Variants in GSE1 observed in about 807,000 individuals in gnomAD.
GSE1 encodes Gse1 coiled-coil protein.
Under a neutral mutation model 112.6 loss-of-function variants are expected in GSE1, and 32 were observed. That is an observed-to-expected ratio of 0.28 (90% CI 0.21 to 0.38). GSE1 has a LOEUF of 0.38. Among genes scored for constraint, GSE1 ranks in the 10% least tolerant of loss-of-function variants. The pLI is 1.00. For missense variants in GSE1, 2,348 were observed against 1,699.2 expected (o/e 1.38, Z -6.71); for synonymous variants, 1,115 against 735.6 (o/e 1.52, Z -8.35).
At chr16:85,484,522 G>A (rs2050774456) in intron 2 of GSE1, among the ~76,000 whole-genome samples, 1 of 152,262 alleles carries the variant, frequency 6.6e-6, no homozygotes, top group Non-Finnish European at 1.5e-5. Context: ...CTTGAGTGAC[G>A]AAGCCAGGGA....
At chr16:85,396,935 G>A (rs1762875597) in intron 2 of GSE1, among the ~76,000 whole-genome samples, 1 of 152,252 alleles carries the variant, frequency 6.6e-6, no homozygotes, top group Non-Finnish European at 1.5e-5. Flanking sequence ...GAGAGAGACA[G>A]AGGAAGACAC....
At chr16:85,177,668 G>A (rs1324470170) in intron 1 of GSE1, among the ~76,000 whole-genome samples, 1 of 152,192 alleles carries the variant, frequency 6.6e-6, no homozygotes, top group Non-Finnish European at 1.5e-5. Flanking sequence ...CTAGGAAAAC[G>A]TCTTGTGATT....
At chr16:85,296,572 A>G (rs2045372962) in intron 1 of GSE1, among the ~76,000 whole-genome samples, 1 of 152,174 alleles carries the variant, frequency 6.6e-6, no homozygotes, top group East Asian at 1.9e-4. Flanking sequence ...GCACCACTGC[A>G]CTCCAGCCGG....
intron 2 of GSE1, among the ~76,000 whole-genome samples, chr16:85,442,250 A>C (rs1165789808): frequency 4.6e-5 from 7 of 151,812 alleles, no homozygotes; most frequent in Middle Eastern, 6.8e-3. Flanking sequence ...TGCCTCCTTC[A>C]CTGGCTTTGT....
intron 1 of GSE1, among the ~76,000 whole-genome samples, chr16:85,332,296 A>G (rs2046391568): frequency 6.6e-6 from 1 of 152,230 alleles, no homozygotes; most frequent in African/African-American, 2.4e-5. Context: ...TCTCCCACTT[A>G]CAGACCCAGA....
chr16:85,238,620 C>A (rs76558611), intron 1 of GSE1, among the ~76,000 whole-genome samples: 34 of 152,300 alleles, frequency 2.2e-4, no homozygotes, highest in African/African-American at 7.9e-4. Flanking sequence ...CTTGGAGGAG[C>A]CAGGCAGGGT....
chr16:85,196,786 G>A (rs764296315), intron 1 of GSE1, among the ~76,000 whole-genome samples: 17 of 152,058 alleles, frequency 1.1e-4, no homozygotes, highest in African/African-American at 2.7e-4. Context: ...TAGACGGGGC[G>A]GGGGGGCCTG....
intron 1 of GSE1, among the ~76,000 whole-genome samples, chr16:85,190,030 G>C (rs2074789705): frequency 6.6e-6 from 1 of 152,168 alleles, no homozygotes; most frequent in African/African-American, 2.4e-5. Context: ...CACCTATCTT[G>C]TTCTGTTTTT....
chr16:85,341,729 G>A (rs1175857551), intron 1 of GSE1, among the ~76,000 whole-genome samples: 1 of 152,098 alleles, frequency 6.6e-6, no homozygotes, highest in Non-Finnish European at 1.5e-5. Flanking sequence ...CAAACTCCTG[G>A]CCCTAAGCAA....
chr16:85,612,251 C>G (rs1401567129), upstream of GSE1, among the ~76,000 whole-genome samples: 2 of 102,030 alleles, frequency 2.0e-5, no homozygotes, highest in African/African-American at 6.9e-5. Context: ...GGGGGCGGGG[C>G]GGGGCGGGGC....
At chr16:85,650,476 C>T (rs1473020436) in intron 3 of GSE1, among the ~76,000 whole-genome samples, 5 of 152,334 alleles carry the variant, frequency 3.3e-5, no homozygotes, top group Admixed American at 3.3e-4. Context: ...TTGACCCCGA[C>T]CAGAGCTCCT....
intron 2 of GSE1, among the ~76,000 whole-genome samples, chr16:85,441,115 G>A (rs528843052): frequency 1.3e-5 from 2 of 152,310 alleles, no homozygotes; most frequent in South Asian, 2.1e-4. Context: ...TGGGGGCTGC[G>A]GGATGGGGAT....
At chr16:85,380,244 G>T (rs1223591904) in intron 2 of GSE1, among the ~76,000 whole-genome samples, 1 of 152,200 alleles carries the variant, frequency 6.6e-6, no homozygotes, top group Admixed American at 6.5e-5. Context: ...CTCCCTAGAG[G>T]AGGAGAGGTG....
At chr16:85,195,978 G>T (rs1438109076) in intron 1 of GSE1, among the ~76,000 whole-genome samples, 5 of 152,170 alleles carry the variant, frequency 3.3e-5, no homozygotes, top group Admixed American at 3.3e-4. Context: ...TAGTACCGAT[G>T]CTGTGTTTGA....
chr16:85,364,945 T>G (rs2047157348), intron 2 of GSE1, among the ~76,000 whole-genome samples: 1 of 152,230 alleles, frequency 6.6e-6, no homozygotes, highest in African/African-American at 2.4e-5. Flanking sequence ...ATGCTCTCCC[T>G]GGGTCCTGTG....
intron 2 of GSE1, among the ~76,000 whole-genome samples, chr16:85,409,233 A>G (rs2048416902): frequency 3.0e-5 from 1 of 33,716 alleles, no homozygotes. Flanking sequence ...CCTCACTGTT[A>G]CTCTCAGGCC....
At chr16:85,225,933 C>T (rs948326729) in intron 1 of GSE1, among the ~76,000 whole-genome samples, 14 of 152,196 alleles carry the variant, frequency 9.2e-5, no homozygotes, top group Non-Finnish European at 1.6e-4. Flanking sequence ...TCTGCTGGGG[C>T]TGGGGGATCC....
chr16:85,463,988 T>A (rs963753220), intron 2 of GSE1, among the ~76,000 whole-genome samples: 3 of 152,146 alleles, frequency 2.0e-5, no homozygotes, highest in African/African-American at 7.2e-5. Flanking sequence ...GCGGGGACGC[T>A]GGCCTCAGGA....
At chr16:85,500,986 A>C (rs1404331274) in intron 2 of GSE1, among the ~76,000 whole-genome samples, 5 of 129,110 alleles carry the variant, frequency 3.9e-5, no homozygotes, top group African/African-American at 1.5e-4. Context: ...CTACTCCAGT[A>C]TGGCCTGTTC....
Sources: allele counts gnomAD v4.1 joint callset (sites outside exome capture counted in the v4.1 genomes callset), GRCh38; gene constraint gnomAD v4.1.1; transcripts MANE v1.5; gene names NCBI Gene and HGNC (gene_info 2026-07-23, HGNC 2026-07-21).